Variants in FAM193A observed in about 807,000 individuals in gnomAD.
The protein encoded by FAM193A is family with sequence similarity 193 member A, also known as protein FAM193A.
In FAM193A, 22 loss-of-function variants were observed where a neutral mutation model predicts 126.5. That is an observed-to-expected ratio of 0.17 (90% confidence interval 0.12 to 0.25). The LOEUF (loss-of-function observed/expected upper bound fraction) is 0.25. Among genes scored for constraint, FAM193A ranks in the 10% least tolerant of loss-of-function variants. The pLI, the probability that FAM193A is intolerant of heterozygous loss-of-function variation, is 1.00. For missense variants in FAM193A, 1,675 were observed against 1,672.8 expected (o/e 1.00, Z -0.02); for synonymous variants, 761 against 646.8 (o/e 1.18, Z -2.68).
chr4:2,653,032 A>G (rs569760434), intron 7 of FAM193A, among the ~76,000 whole-genome samples: 1 of 152,334 alleles, frequency 6.6e-6, no homozygotes, highest in South Asian at 2.1e-4. Flanking sequence ...ACGTAGCATA[A>G]CATCCTGCCC....
intron 4 of FAM193A, among the ~76,000 whole-genome samples, chr4:2,629,842 G>A (rs957272997): frequency 6.6e-6 from 1 of 152,112 alleles, no homozygotes; most frequent in Non-Finnish European, 1.5e-5. Flanking sequence ...TTTAAAATGT[G>A]CATTATCGGC....
At chr4:2,710,847 CT>C (rs1342965934) in intron 19 of FAM193A, among the ~76,000 whole-genome samples, 2 of 114,654 alleles carry the variant, frequency 1.7e-5, no homozygotes, top group South Asian at 6.1e-4. Flanking sequence ...TCTTTCTGTG[CT>C]TTCTTTTTTT....
intron 1 of FAM193A, among the ~76,000 whole-genome samples, chr4:2,540,531 C>T (rs1007082263): frequency 6.6e-6 from 1 of 151,732 alleles, no homozygotes; most frequent in African/African-American, 2.4e-5. Context: ...CCCTGTAGTC[C>T]CAGCTACTCC....
chr4:2,696,380 A>T lies in FAM193A; in HGVS notation c.3294A>T (p.Thr1098=). ...FGHGGPPAAP[T]SRNYAEMREK... The stretch of plus-strand genomic sequence containing the variant: ...TTTCTCAGCCTCCAGCTGCACCAAC[A>T]AGTAGAAATTATGCAGAAATGAGGG... The change falls in exon 18 of 21, where the codon ACA becomes ACT. Residue 1098 remains threonine (T), a synonymous_variant. Transcript: ENST00000637812. The T allele has an allele frequency of 6.2e-7, 1 of 1,612,922 alleles. No individual in the cohort carries two copies.
At chr4:2,641,298 C>G (rs934240312) in intron 6 of FAM193A, among the ~76,000 whole-genome samples, 2 of 151,948 alleles carry the variant, frequency 1.3e-5, no homozygotes, top group Middle Eastern at 3.4e-3. Context: ...CCACCTGCCT[C>G]AGCCTCCCAA....
intron 2 of FAM193A, among the ~76,000 whole-genome samples, chr4:2,610,146 C>T (rs552556280): frequency 2.0e-5 from 3 of 152,104 alleles, no homozygotes; most frequent in South Asian, 2.1e-4. Flanking sequence ...GCAGGAGAAT[C>T]GCTTGAACCA....
At chr4:2,582,367 C>G (rs971300371) in intron 1 of FAM193A, among the ~76,000 whole-genome samples, 2 of 152,144 alleles carry the variant, frequency 1.3e-5, no homozygotes, top group African/African-American at 4.8e-5. Flanking sequence ...TCCTGAACTC[C>G]TGGGTTCAAG....
chr4:2,622,968 G>A (rs913899142), intron 2 of FAM193A, among the ~76,000 whole-genome samples: 5 of 152,054 alleles, frequency 3.3e-5, no homozygotes, highest in African/African-American at 1.2e-4. Context: ...TAGGGACTTC[G>A]TGCTGGACTG....
intron 2 of FAM193A, among the ~76,000 whole-genome samples, chr4:2,612,802 C>T (rs542681355): frequency 6.6e-5 from 10 of 152,286 alleles, no homozygotes; most frequent in Middle Eastern, 3.4e-3. Context: ...TTGCCAGTAC[C>T]ATACTATCCT....
intron 20 of FAM193A, among the ~76,000 whole-genome samples, chr4:2,728,928 G>T (rs1721069812): frequency 7.8e-6 from 1 of 128,780 alleles, no homozygotes; most frequent in African/African-American, 3.4e-5. Flanking sequence ...TTTTTGGTGG[G>T]AGCACAAAGT....
intron 1 of FAM193A, among the ~76,000 whole-genome samples, chr4:2,562,992 T>G (rs1301419296): frequency 1.3e-5 from 2 of 151,962 alleles, no homozygotes; most frequent in Non-Finnish European, 2.9e-5. Flanking sequence ...TCGCCCAGGC[T>G]GGAGTGCAGT....
At chr4:2,566,201 C>A (rs1244441778) in intron 1 of FAM193A, among the ~76,000 whole-genome samples, 1 of 152,104 alleles carries the variant, frequency 6.6e-6, no homozygotes, top group African/African-American at 2.4e-5. Flanking sequence ...GCGCCCGCCA[C>A]CTCGCCCGGC....
chr4:2,582,596 T>C (rs1028793997), intron 1 of FAM193A, among the ~76,000 whole-genome samples: 1 of 152,218 alleles, frequency 6.6e-6, no homozygotes, highest in Non-Finnish European at 1.5e-5. Context: ...GTTTTTTTGT[T>C]GTTGTTTTTT....
At chr4:2,541,741 C>T (rs1260751665) in intron 1 of FAM193A, among the ~76,000 whole-genome samples, 1 of 151,812 alleles carries the variant, frequency 6.6e-6, no homozygotes, top group Non-Finnish European at 1.5e-5. Context: ...ACTGCAGCCT[C>T]TCTATTGTGT....
intron 13 of FAM193A, among the ~76,000 whole-genome samples, 195 bp from the exon 14 acceptor site, chr4:2,689,311 G>A (rs1716094310): frequency 6.6e-6 from 1 of 152,172 alleles, no homozygotes; most frequent in African/African-American, 2.4e-5. Context: ...ACATCTGGTT[G>A]AAATTTGACC....
chr4:2,640,895 G>A (rs554888748), intron 6 of FAM193A, among the ~76,000 whole-genome samples: 11 of 151,572 alleles, frequency 7.3e-5, no homozygotes, highest in African/African-American at 1.5e-4. Flanking sequence ...AACCCCAGAG[G>A]CAGAGGTTGC....
At chr4:2,581,217 A>G (rs1739912393) in intron 1 of FAM193A, among the ~76,000 whole-genome samples, 3 of 148,744 alleles carry the variant, frequency 2.0e-5, no homozygotes, top group Non-Finnish European at 4.5e-5. Flanking sequence ...TTTTGTTCTG[A>G]TACCATATTC....
At chr4:2,587,077 G>A (rs1279481891) in intron 1 of FAM193A, among the ~76,000 whole-genome samples, 1 of 152,076 alleles carries the variant, frequency 6.6e-6, no homozygotes, top group Non-Finnish European at 1.5e-5. Context: ...ATCTTAGTCC[G>A]TTTGTGTTGC....
At chr4:2,706,299 T>TTTC (rs1718302397) in intron 19 of FAM193A, among the ~76,000 whole-genome samples, 1 of 145,824 alleles carries the variant, frequency 6.9e-6, no homozygotes, top group Non-Finnish European at 1.5e-5. Flanking sequence ...TTCTTTTTTT[T>TTTC]TTTTTTTTTT....
Sources: allele counts gnomAD v4.1 joint callset (sites outside exome capture counted in the v4.1 genomes callset), GRCh38; gene constraint gnomAD v4.1.1; transcripts MANE v1.5; gene names NCBI Gene and HGNC (gene_info 2026-07-23, HGNC 2026-07-21).